The following PRR14L variants were observed in gnomAD, a reference collection of about 807,000 sequenced individuals.
PRR14L encodes the protein protein PRR14L.
PRR14L carries 80 observed loss-of-function variants against 155.0 expected under a neutral mutation model. The observed-to-expected ratio is 0.52, with a 90% CI of 0.43 to 0.62. The LOEUF (loss-of-function observed/expected upper bound fraction) is 0.62. Among genes scored for constraint, PRR14L ranks in the 20% least tolerant of loss-of-function variants. PRR14L has a pLI of 0.00. For synonymous variants in PRR14L, 883 were observed against 916.0 expected (o/e 0.96, Z 0.65); for missense variants, 2,469 against 2,548.0 (o/e 0.97, Z 0.67).
At chr22:31,704,619 A>ACACGCG (rs2074579987) in intron 5 of PRR14L, 36 bp downstream of exon 5, 2 of 1,565,906 alleles carry the variant, frequency 1.3e-6, no homozygotes, top group Non-Finnish European at 1.8e-6. Flanking sequence ...ACACACACGC[A>ACACGCG]CACGCGCACA....
chr22:31,694,782 A>G (rs1569497324), intron 7 of PRR14L, among the ~76,000 whole-genome samples: 3 of 149,260 alleles, frequency 2.0e-5, no homozygotes, highest in African/African-American at 7.4e-5. Flanking sequence ...CAGAAAAAAA[A>G]AAAGAAAAAG....
chr22:31,744,948 C>A (rs7289259), intron 1 of PRR14L, among the ~76,000 whole-genome samples: 21,855 of 152,162 alleles, frequency 0.14, 1,846 homozygotes, highest in African/African-American at 0.23. Flanking sequence ...GGCTAGAGAA[C>A]CAAAACAGAC....
Position 31,685,349 on chromosome 22 carries a change from C to A in PRR14L, c.*178G>T. 1.7e-6 allele frequency: 1 copy of A among 592,858 alleles called. No homozygotes were observed. The highest frequency in any genetic ancestry group is 2.9e-6 in the Non-Finnish European group (1 of 339,824). 36.7% of individuals were successfully genotyped at this position (592,858 alleles called of 1,614,324 possible). A position where few individuals can be genotyped will look rare whatever the true frequency, so the allele number is the denominator to read the frequency against. On this transcript the variant is annotated 3_prime_UTR_variant, in exon 9 of 9. Transcript: ENST00000327423. ...GTAGAGGACCCTCCTTCACCAGTTT[C>A]TAAAAAGGTTGCACCTTGAAATAGG... is the stretch of plus-strand genomic sequence containing the variant.
At chr22:31,728,608 C>G (rs2074730533) in intron 2 of PRR14L, among the ~76,000 whole-genome samples, 3 of 112,698 alleles carry the variant, frequency 2.7e-5, no homozygotes, top group African/African-American at 3.5e-5. Flanking sequence ...GACTTCATCT[C>G]GAAAAAAAAA....
intron 4 of PRR14L, among the ~76,000 whole-genome samples, chr22:31,708,848 C>T (rs767348247): frequency 9.9e-5 from 15 of 151,718 alleles, no homozygotes; most frequent in African/African-American, 2.7e-4. Flanking sequence ...TTTTTTGAGA[C>T]GGAGTTTCAC....
rs774352296 is a variant in PRR14L, at chr22:31,685,679, G to C, written c.6304C>G (p.Arg2102Gly). Residue 2102 changes from arginine to glycine, a missense_variant, in exon 9 of 9, where the codon CGA becomes GGA. Transcript: ENST00000327423. Reference protein sequence around the residue: ...DFTVPRKRRARGKVKVAGSFT... With the variant: ...DFTVPRKRRAGGKVKVAGSFT... Reference sequence around the variant, plus strand: ...CTGCCTGCCACCTTGACTTTGCCTCGAGCTCTCCTCTTTCGCGGGACTGTA... The same window carrying C: ...CTGCCTGCCACCTTGACTTTGCCTCCAGCTCTCCTCTTTCGCGGGACTGTA... 4.5e-6 allele frequency: 7 copies of C among 1,551,500 alleles called. No homozygotes were observed. The highest frequency in any genetic ancestry group is 6.1e-6 in the Non-Finnish European group (7 of 1,146,982).
intron 7 of PRR14L, among the ~76,000 whole-genome samples, chr22:31,693,108 A>G (rs987111819): frequency 1.3e-5 from 2 of 152,100 alleles, no homozygotes; most frequent in Non-Finnish European, 2.9e-5. Flanking sequence ...TTATCACCCA[A>G]AAGTCCAGTT....
Position 31,713,046 on chromosome 22 carries a change from C to T in PRR14L, c.4793G>A (p.Cys1598Tyr). The T allele has an allele frequency of 6.4e-7, 1 of 1,552,270 alleles. No individual in the cohort carries two copies. Among genetic ancestry groups the T allele is most frequent in the Non-Finnish European group, 8.7e-7 (1 of 1,147,112 alleles). ...AAAATTCAGGCTCCTCAAGGGATGG[C>T]ACGGTGTAGACATCTGCTTTGGTAT... The part of the protein sequence containing the change: ...SHIPKQMSTP[C>Y]HPLRSLNFRK... Residue 1598 changes from cysteine to tyrosine, a missense_variant, in exon 4 of 9, where the codon TGC becomes TAC. Coordinates refer to ENST00000327423, the MANE Select transcript of PRR14L (RefSeq NM_173566.3).
At position 31,713,777 on chromosome 22, in the gene PRR14L, T is replaced by C. The variant is rs202042910; in HGVS notation, c.4062A>G (p.Gln1354=). The change falls in exon 4 of 9, where the codon CAA becomes CAG. Residue 1354 remains glutamine (Q), a synonymous_variant. Coordinates refer to ENST00000327423, the MANE Select transcript of PRR14L (RefSeq NM_173566.3). ...TTTCTCTGGTAACCAACTCCTCAGA[T>C]TGCTCCCCAACAGTTAAGTAACCCA... The part of the protein sequence containing the change: ...GRLGYLTVGE[Q]SEELVTRETG... 918 of 1,552,250 alleles carry C rather than the reference T, an allele frequency of 5.9e-4. 2 individuals carry two copies. Among genetic ancestry groups the C allele is most frequent in the South Asian group, 1.3e-3 (108 of 84,066 alleles).
rs1487110078 is a variant in PRR14L, at chr22:31,713,589, T to C, written c.4250A>G (p.Gln1417Arg). 2 of 1,552,112 alleles carry C rather than the reference T, an allele frequency of 1.3e-6. No individual in the cohort carries two copies. Among genetic ancestry groups the C allele is most frequent in the Non-Finnish European group, 1.7e-6 (2 of 1,147,064 alleles). Residue 1417 changes from glutamine (Q) to arginine (R), a missense_variant, in exon 4 of 9, where the codon CAG becomes CGG. Around this residue, in one of 2 missense-constraint regions of PRR14L, gnomAD observed 2,363 missense variants for 2,371.6 expected, o/e 1.00. Transcript: ENST00000327423. Reference sequence around the variant, plus strand: ...TAACAACAGACTAGATGATATGCACTGTTGCGATATCGTATGTGCTTTTTG... The same window carrying C: ...TAACAACAGACTAGATGATATGCACCGTTGCGATATCGTATGTGCTTTTTG... ...RQQKAHTISQ[Q>R]CISSSLLLDD... is the part of the protein sequence containing the mutation.
In PRR14L at chr22:31,738,449, C is replaced by T. The variant is rs1423643104; in HGVS notation, c.412G>A (p.Gly138Arg). 1 of 1,552,306 alleles carries T rather than the reference C, an allele frequency of 6.4e-7. No individual in the cohort carries two copies. Among genetic ancestry groups the T allele is most frequent in the East Asian group, 2.4e-5 (1 of 40,924 alleles). Residue 138 changes from glycine to arginine, a missense_variant, in exon 2 of 9, where the codon GGA (glycine) becomes AGA (arginine). Transcript: ENST00000327423. The stretch of plus-strand genomic sequence containing the variant: ...TGTTGATGTGGATCTTCCTTTGCTC[C>T]CTCAGAGGGTTCTCTTATAATTCCT... ...QAGIIREPSE[G>R]AKEDPHQHST...
At chr22:31,691,301 C>G (rs1183557092) in intron 7 of PRR14L, among the ~76,000 whole-genome samples, 3 of 151,938 alleles carry the variant, frequency 2.0e-5, no homozygotes, top group African/African-American at 7.3e-5. Flanking sequence ...CTATGTTGTA[C>G]AGGCTAGCTT....
chr22:31,687,816 G>A (rs2074489925), intron 8 of PRR14L, among the ~76,000 whole-genome samples: 1 of 151,454 alleles, frequency 6.6e-6, no homozygotes, highest in South Asian at 2.1e-4. Context: ...GGCCAAGGCA[G>A]GCGGATCACG....
rs1333420803 is a variant in PRR14L at position 31,684,423 on chromosome 22, A to C, written c.*1104T>G. 6.6e-6 allele frequency: 1 copy of C among 152,252 alleles called. No homozygotes were observed. Among genetic ancestry groups the C allele is most frequent in the African/African-American group, 2.4e-5 (1 of 41,452 alleles). 9.4% of individuals were successfully genotyped at this position (152,252 alleles called of 1,614,324 possible). Reference sequence around the variant, plus strand: ...CCACAAATACTGTGGGTCAGCCTGTATCACTGCCCAAGCCGTTGTACTCAA... The same window carrying C: ...CCACAAATACTGTGGGTCAGCCTGTCTCACTGCCCAAGCCGTTGTACTCAA... On this transcript the variant is annotated 3_prime_UTR_variant, in exon 9 of 9. Coordinates refer to ENST00000327423, the MANE Select transcript of PRR14L (RefSeq NM_173566.3).
At position 31,704,108 on chromosome 22, in the gene PRR14L, A is replaced by G. The variant is rs189030811; in HGVS notation, c.5829-387T>C. On this transcript the variant is annotated intron_variant, in intron 5 of 8. Transcript: ENST00000327423. The stretch of plus-strand genomic sequence containing the variant: ...CACCACGCCCAGCCTCAACTTCTTA[A>G]CATCTAGGCCTCAATACTTTTTCTT... Among the ~76,000 whole-genome samples the G allele has an allele frequency of 4.3e-4, 65 of 152,176 alleles. 1 individual carries two copies. The highest frequency in any genetic ancestry group is 4.3e-3 in the Admixed American group (65 of 15,274).
chr22:31,725,506 G>A, intron 3 of PRR14L, 32 bp downstream of exon 3: 1 of 1,408,154 alleles, frequency 7.1e-7, no homozygotes, highest in Non-Finnish European at 9.8e-7. Flanking sequence ...GCAGTAAGTG[G>A]ATAAAGGAAG....
At chr22:31,699,513 G>C (rs8141719) in intron 7 of PRR14L, among the ~76,000 whole-genome samples, 15,711 of 152,180 alleles carry the variant, frequency 0.1, 955 homozygotes, top group African/African-American at 0.17. Flanking sequence ...TTCAGATGAG[G>C]GATGCTGGTA....
Position 31,688,732 on chromosome 22 carries a change from AACTG to A in PRR14L, c.6108-509_6108-506del, listed in dbSNP as rs1465847123. Among the ~76,000 whole-genome samples the A allele has an allele frequency of 2.6e-5, 4 of 152,132 alleles. No homozygotes were observed. In the East Asian group the frequency reaches 5.8e-4, roughly 22 times the overall value. ...CTGCTTTGCAATGTTTCTTTTTGTG[AACTG>A]ACTGTTCTTTTTTTTCTATCTCCCT... is the stretch of plus-strand genomic sequence containing the variant. On this transcript the variant is annotated intron_variant, in intron 7 of 8. Coordinates refer to ENST00000327423, the MANE Select transcript of PRR14L (RefSeq NM_173566.3).
intron 2 of PRR14L, among the ~76,000 whole-genome samples, chr22:31,733,208 C>G (rs1018906135): frequency 6.6e-6 from 1 of 151,482 alleles, no homozygotes; most frequent in African/African-American, 2.4e-5. Flanking sequence ...AGGCTGGTCT[C>G]GAACTCCTGA....
Sources: gnomAD v4.1 joint callset for allele counts (sites outside exome capture counted in the v4.1 genomes callset) on GRCh38, gnomAD v4.1.1 for gene constraint, gnomAD v4.1.1 regional missense constraint, MANE v1.5 for transcripts, NCBI Gene and HGNC (gene_info 2026-07-23, HGNC 2026-07-21) for gene names.